The following KCNH5 variants were observed in gnomAD, a reference collection of about 807,000 sequenced individuals.
KCNH5 encodes voltage-gated delayed rectifier potassium channel KCNH5.
In KCNH5, 46 loss-of-function variants were observed where a neutral mutation model predicts 96.1. The ratio of observed to expected loss-of-function variants is 0.48; its 90% CI spans 0.38 to 0.61. The LOEUF (loss-of-function observed/expected upper bound fraction) is 0.61, where lower values mean the gene tolerates loss of function less well. KCNH5 is among the 20% of genes least tolerant of loss of function. The probability of loss-of-function intolerance (pLI) is 0.00; values close to 1 mark genes in which losing one functional copy is unlikely to be tolerated. For missense variants in KCNH5, 907 were observed against 1,225.8 expected (o/e 0.74, Z 3.88); for synonymous variants, 439 against 449.8 (o/e 0.98, Z 0.30).
chr14:62,961,908 TGGA>T (rs1594647522), intron 6 of KCNH5, among the ~76,000 whole-genome samples: 1 of 146,562 alleles, frequency 6.8e-6, no homozygotes, highest in African/African-American at 2.6e-5. Flanking sequence ...ATGATGCAGA[TGGA>T]GATGGAGATG....
intron 8 of KCNH5, among the ~76,000 whole-genome samples, chr14:62,814,188 C>T (rs1158311146): frequency 1.3e-5 from 2 of 152,116 alleles, no homozygotes; most frequent in Non-Finnish European, 2.9e-5. Flanking sequence ...AAAGTTTTTG[C>T]TTCAGAATCA....
chr14:62,745,823 T>C (rs1184664617), intron 10 of KCNH5, among the ~76,000 whole-genome samples: 1 of 152,240 alleles, frequency 6.6e-6, no homozygotes, highest in African/African-American at 2.4e-5. Flanking sequence ...GACCACTTGA[T>C]ACAGCCCTGA....
chr14:62,995,417 C>T (rs1402202015), intron 4 of KCNH5, among the ~76,000 whole-genome samples: 3 of 152,112 alleles, frequency 2.0e-5, no homozygotes, highest in Non-Finnish European at 4.4e-5. Context: ...TGCAAACACC[C>T]TTGTAAACAT....
chr14:62,753,215 T>C (rs1885542005), intron 10 of KCNH5, among the ~76,000 whole-genome samples: 1 of 152,124 alleles, frequency 6.6e-6, no homozygotes, highest in Non-Finnish European at 1.5e-5. Flanking sequence ...GACATACTGA[T>C]GAATGCATCA....
intron 10 of KCNH5, among the ~76,000 whole-genome samples, chr14:62,777,690 G>T (rs954627790): frequency 4.6e-5 from 7 of 152,186 alleles, no homozygotes; most frequent in Non-Finnish European, 8.8e-5. Context: ...AAGCCGCTTG[G>T]TGTTACTCAG....
At chr14:62,761,522 A>G (rs1885750750) in intron 10 of KCNH5, among the ~76,000 whole-genome samples, 1 of 152,190 alleles carries the variant, frequency 6.6e-6, no homozygotes, top group Non-Finnish European at 1.5e-5. Flanking sequence ...CAAAAAGTGA[A>G]GGGAAGAAAT....
intron 8 of KCNH5, among the ~76,000 whole-genome samples, chr14:62,826,119 T>C (rs1887218989): frequency 2.6e-5 from 4 of 152,174 alleles, no homozygotes; most frequent in African/African-American, 9.6e-5. Flanking sequence ...TATTATATTA[T>C]ATGGACTTAA....
intron 10 of KCNH5, among the ~76,000 whole-genome samples, chr14:62,732,782 C>G (rs1885077694): frequency 6.6e-6 from 1 of 151,348 alleles, no homozygotes; most frequent in Non-Finnish European, 1.5e-5. Context: ...ATTATCCCAG[C>G]TCCTCCTAGA....
intron 7 of KCNH5, among the ~76,000 whole-genome samples, chr14:62,871,987 T>A (rs2140067173): frequency 6.6e-6 from 1 of 152,344 alleles, no homozygotes; most frequent in African/African-American, 2.4e-5. Flanking sequence ...AATCCTGTTA[T>A]CATCTCTCTC....
chr14:62,890,998 G>T (rs904466387), intron 7 of KCNH5, among the ~76,000 whole-genome samples: 30 of 152,270 alleles, frequency 2.0e-4, no homozygotes, highest in African/African-American at 7.0e-4. Context: ...GCAGTATGGC[G>T]ATTCCTCAAA....
Position 62,831,386 on chromosome 14 carries a change from G to T in KCNH5, c.1569+18267C>A, listed in dbSNP as rs557309087. On this transcript the variant is annotated intron_variant, in intron 8 of 10. Coordinates refer to ENST00000322893, the MANE Select transcript of KCNH5 (RefSeq NM_139318.5). ...TCTTAATCTGTAAATTTAGAGAAAAGATTTCTGAGCACATTTAGGCCACCA... is the reference window on the plus strand; with the variant it reads ...TCTTAATCTGTAAATTTAGAGAAAATATTTCTGAGCACATTTAGGCCACCA... Among the ~76,000 whole-genome samples the T allele has an allele frequency of 2.6e-5, 4 of 152,282 alleles. No individual in the cohort carries two copies. The South Asian group carries it at 8.3e-4, about 32-fold the overall frequency.
At chr14:62,848,140 T>G (rs1454539577) in intron 8 of KCNH5, among the ~76,000 whole-genome samples, 7 of 152,234 alleles carry the variant, frequency 4.6e-5, no homozygotes, top group Non-Finnish European at 4.4e-5. Context: ...CATGTGGCTC[T>G]ATTGCATTTT....
intron 6 of KCNH5, among the ~76,000 whole-genome samples, chr14:62,965,162 T>C (rs1222832797): frequency 6.6e-6 from 1 of 152,112 alleles, no homozygotes; most frequent in Non-Finnish European, 1.5e-5. Context: ...CAGAGAAGAA[T>C]AAATCCTTCT....
chr14:63,017,982 G>T (rs1292610579), intron 1 of KCNH5, among the ~76,000 whole-genome samples: 1 of 151,930 alleles, frequency 6.6e-6, no homozygotes, highest in African/African-American at 2.4e-5. Flanking sequence ...ATAAAATAAA[G>T]ATTAGTAAAA....
chr14:62,760,663 A>G (rs1885727873), intron 10 of KCNH5, among the ~76,000 whole-genome samples: 1 of 152,248 alleles, frequency 6.6e-6, no homozygotes, highest in South Asian at 2.1e-4. Context: ...GAGAAGAGAC[A>G]GAAAATGAAT....
intron 7 of KCNH5, among the ~76,000 whole-genome samples, chr14:62,873,766 A>G (rs1888311095): frequency 6.6e-6 from 1 of 152,234 alleles, no homozygotes; most frequent in Non-Finnish European, 1.5e-5. Flanking sequence ...AGAAATAACA[A>G]GAAATGATAA....
chr14:62,792,950 A>C (rs1298485512), intron 9 of KCNH5, among the ~76,000 whole-genome samples: 1 of 151,776 alleles, frequency 6.6e-6, no homozygotes, highest in Non-Finnish European at 1.5e-5. Flanking sequence ...CATACAATGG[A>C]ATATTATTCA....
chr14:62,718,127 AG>A lies in KCNH5; in HGVS notation c.2020-9673del, dbSNP rs538068001. ...CTGGGGACTCTAAAAGAGAGAAGGG[AG>A]GCAAGGGGGCAAGGGTTAAAAAATT... On this transcript the variant is annotated intron_variant, in intron 10 of 10. Coordinates refer to ENST00000322893, the MANE Select transcript of KCNH5 (RefSeq NM_139318.5). Among the ~76,000 whole-genome samples the A allele has an allele frequency of 2.4e-3, 360 of 152,258 alleles. 2 individuals are homozygous for A. Among genetic ancestry groups the A allele is most frequent in the African/African-American group, 8.0e-3 (332 of 41,558 alleles).
At chr14:62,944,922 C>T (rs573583608) in intron 7 of KCNH5, among the ~76,000 whole-genome samples, 69 of 152,176 alleles carry the variant, frequency 4.5e-4, no homozygotes, top group Middle Eastern at 3.4e-3. Context: ...CAGAAAACTG[C>T]TACTCAGGTA....
Sources: gnomAD v4.1 joint callset for allele counts (sites outside exome capture counted in the v4.1 genomes callset) on GRCh38, gnomAD v4.1.1 for gene constraint, MANE v1.5 for transcripts, NCBI Gene and HGNC (gene_info 2026-07-23, HGNC 2026-07-21) for gene names.